FBXL17: variants seen among roughly 807,000 people sequenced by gnomAD.
FBXL17 encodes the protein F-box and leucine rich repeat protein 17.
FBXL17 carries 22 observed loss-of-function variants against 66.2 expected under a neutral mutation model. That is an observed-to-expected ratio of 0.33 (90% CI 0.24 to 0.47). The LOEUF (loss-of-function observed/expected upper bound fraction) is 0.47. FBXL17 is among the 20% of genes least tolerant of loss of function. The pLI is 1.00. For missense variants in FBXL17, 878 were observed against 948.2 expected, an observed-to-expected ratio of 0.93 and a Z score of 0.97; for synonymous variants, 474 against 400.5, an observed-to-expected ratio of 1.18 and a Z score of -2.19.
chr5:107,995,942 C>T (rs1389755583), intron 7 of FBXL17, among the ~76,000 whole-genome samples: 1 of 152,186 alleles, frequency 6.6e-6, no homozygotes, highest in Non-Finnish European at 1.5e-5. Context: ...AAACACAGTG[C>T]AGTAGCTGAG....
chr5:108,129,670 A>G (rs779710738), intron 6 of FBXL17, among the ~76,000 whole-genome samples: 5 of 152,032 alleles, frequency 3.3e-5, no homozygotes, highest in Admixed American at 2.6e-4. Context: ...TGGTAGTTAC[A>G]TAACTCCTGA....
At chr5:107,884,026 G>A (rs745968627) in intron 7 of FBXL17, among the ~76,000 whole-genome samples, 3 of 152,098 alleles carry the variant, frequency 2.0e-5, no homozygotes, top group Non-Finnish European at 2.9e-5. Flanking sequence ...CAAGAAAGTG[G>A]GAAGACTCAT....
Position 108,382,071 on chromosome 5 carries a change from C to G in FBXL17, c.-380G>C. 2 of 652,288 alleles carry G rather than the reference C, an allele frequency of 3.1e-6. No individual in the cohort carries two copies. The highest frequency in any genetic ancestry group is 3.9e-6 in the Non-Finnish European group (2 of 518,700). The allele number at this position is 652,288 out of a possible 1,614,324, so 40.4% of individuals were successfully genotyped here. A position where few individuals can be genotyped will look rare whatever the true frequency, so the allele number is the denominator to read the frequency against. On this transcript the variant is annotated 5_prime_UTR_variant, in exon 1 of 9. Transcript: ENST00000542267. ...GCTCGGACCATTTTAACTGCGGATC[C>G]GCCGCCGGCGCGCGCACCCGCGACT... is the stretch of plus-strand genomic sequence containing the variant.
At chr5:108,254,216 A>T (rs1380827596) in intron 4 of FBXL17, among the ~76,000 whole-genome samples, 1 of 152,200 alleles carries the variant, frequency 6.6e-6, no homozygotes, top group Non-Finnish European at 1.5e-5. Context: ...CCTTTTGACA[A>T]ATGTAAACTG....
intron 4 of FBXL17, among the ~76,000 whole-genome samples, chr5:108,261,191 A>G (rs1005762577): frequency 3.2e-4 from 48 of 152,088 alleles, no homozygotes; most frequent in Admixed American, 2.1e-3. Flanking sequence ...AACAACATGA[A>G]AGAAAAGGCA....
chr5:107,914,424 T>G (rs1056823505), intron 7 of FBXL17, among the ~76,000 whole-genome samples: 5 of 152,226 alleles, frequency 3.3e-5, no homozygotes, highest in Non-Finnish European at 5.9e-5. Flanking sequence ...TAGTCTGTAT[T>G]CTTTTTTAGA....
chr5:108,154,606 A>ATATAT (rs1554070050), intron 6 of FBXL17, among the ~76,000 whole-genome samples: 61 of 96,714 alleles, frequency 6.3e-4, no homozygotes, highest in African/African-American at 2.7e-3. Context: ...AAAAAAAAAA[A>ATATAT]ATATATATAT....
chr5:107,869,300 T>TATC (rs931320570), intron 8 of FBXL17, among the ~76,000 whole-genome samples: 2 of 152,160 alleles, frequency 1.3e-5, no homozygotes, highest in African/African-American at 4.8e-5. Context: ...CTGTAGCAGA[T>TATC]ATCCATGGAA....
chr5:107,875,450 A>G (rs1045910909), intron 8 of FBXL17, among the ~76,000 whole-genome samples: 9 of 152,146 alleles, frequency 5.9e-5, no homozygotes, highest in African/African-American at 1.9e-4. Flanking sequence ...GCTTTCTCTT[A>G]CCATAATTAC....
intron 4 of FBXL17, among the ~76,000 whole-genome samples, chr5:108,244,168 C>A (rs1755987813): frequency 6.6e-6 from 1 of 152,114 alleles, no homozygotes; most frequent in Admixed American, 6.6e-5. Flanking sequence ...TGTCACTCTA[C>A]CTCCATTTAC....
At chr5:108,168,793 C>A (rs1360291025) in intron 6 of FBXL17, among the ~76,000 whole-genome samples, 1 of 151,900 alleles carries the variant, frequency 6.6e-6, no homozygotes, top group African/African-American at 2.4e-5. Flanking sequence ...AATGCTTTAC[C>A]AACTGCAACA....
chr5:107,884,832 G>A (rs1748912202), intron 7 of FBXL17, among the ~76,000 whole-genome samples: 2 of 152,168 alleles, frequency 1.3e-5, no homozygotes, highest in Non-Finnish European at 2.9e-5. Context: ...GATGACAGAT[G>A]TAAGGGACTT....
At chr5:108,176,042 T>A (rs182125295) in intron 6 of FBXL17, among the ~76,000 whole-genome samples, 65 of 152,268 alleles carry the variant, frequency 4.3e-4, no homozygotes, top group South Asian at 1.4e-3. Flanking sequence ...GAATTAAGAA[T>A]AAGACAACTC....
chr5:107,951,880 T>C (rs1206905411), intron 7 of FBXL17, among the ~76,000 whole-genome samples: 1 of 152,208 alleles, frequency 6.6e-6, no homozygotes. Context: ...GTGAGATGGG[T>C]GCAAACAACC....
intron 4 of FBXL17, among the ~76,000 whole-genome samples, chr5:108,238,180 C>T (rs76943735): frequency 1.1e-4 from 17 of 152,308 alleles, no homozygotes; most frequent in South Asian, 2.1e-4. Context: ...CAGAATACTT[C>T]GTATGGATTC....
intron 7 of FBXL17, among the ~76,000 whole-genome samples, chr5:107,892,386 T>C (rs1380334919): frequency 3.3e-5 from 5 of 152,156 alleles, no homozygotes; most frequent in African/African-American, 9.7e-5. Context: ...ACTGTGATGA[T>C]TGTGTCACTG....
chr5:108,193,286 G>A (rs1402129739), intron 5 of FBXL17, among the ~76,000 whole-genome samples: 1 of 152,116 alleles, frequency 6.6e-6, no homozygotes, highest in Non-Finnish European at 1.5e-5. Flanking sequence ...TAAAGGCAGA[G>A]GAAGAGAGAA....
At chr5:108,238,906 A>T (rs1166609356) in intron 4 of FBXL17, among the ~76,000 whole-genome samples, 2 of 152,294 alleles carry the variant, frequency 1.3e-5, no homozygotes. Context: ...TTAGTACAAA[A>T]TATTTTTCTC....
At chr5:108,169,690 ATTTACAGAGTATT>A (rs1347590340) in intron 6 of FBXL17, among the ~76,000 whole-genome samples, 1 of 152,078 alleles carries the variant, frequency 6.6e-6, no homozygotes, top group African/African-American at 2.4e-5. Flanking sequence ...CTTCCATTAC[ATTTACAGAGTATT>A]TTTAAGGGCC....
Sources: allele counts gnomAD v4.1 joint callset (sites outside exome capture counted in the v4.1 genomes callset), GRCh38; gene constraint gnomAD v4.1.1; transcripts MANE v1.5; gene names NCBI Gene and HGNC (gene_info 2026-07-23, HGNC 2026-07-21).